Variants in GBE1 observed in about 807,000 individuals in gnomAD.
GBE1 encodes the protein 1,4-alpha-glucan branching enzyme 1.
GBE1 carries 70 observed loss-of-function variants against 88.8 expected under a neutral mutation model. The ratio of observed to expected loss-of-function variants is 0.79; its 90% CI spans 0.65 to 0.96. The LOEUF is 0.96. GBE1 is among the 40% of genes least tolerant of loss of function. GBE1 has a pLI of 0.00. For missense variants in GBE1, 872 were observed against 871.0 expected, an observed-to-expected ratio of 1.00 and a Z score of -0.01; for synonymous variants, 284 against 300.1, an observed-to-expected ratio of 0.95 and a Z score of 0.56.
Position 81,695,290 on chromosome 3 carries a change from T to C in GBE1, c.313+10154A>G, listed in dbSNP as rs188091372. ...AGGAATGAATAAACAAAATGTGGAC[T>C]ACCTATACAGTGTAATTTTATTTGG... On this transcript the variant is annotated intron_variant, in intron 2 of 15. Transcript: ENST00000429644. Among the ~76,000 whole-genome samples, 223 of 152,366 alleles carry C rather than the reference T, an allele frequency of 1.5e-3. 3 individuals are homozygous for C. The highest frequency in any genetic ancestry group is 0.014 in the Admixed American group (222 of 15,312).
rs1392927494 is a variant in GBE1, at chr3:81,750,548, T to TAA, written c.143+10826_143+10827insTT. Among the ~76,000 whole-genome samples the TAA allele has an allele frequency of 9.5e-5, 8 of 84,306 alleles. 1 individual carries two copies. The highest frequency in any genetic ancestry group is 2.0e-5 in the Non-Finnish European group (1 of 49,006). 55.3% of individuals were successfully genotyped at this position (84,306 alleles called of 152,430 possible). A position where few individuals can be genotyped will look rare whatever the true frequency, so the allele number is the denominator to read the frequency against. On this transcript the variant is annotated intron_variant, in intron 1 of 15. Transcript: ENST00000429644. ...TCATATATATATATACGTATATATA[T>TAA]ATGTATATATATATGTATATATATA...
intron 1 of GBE1, among the ~76,000 whole-genome samples, chr3:81,748,118 C>G (rs577885408): frequency 6.6e-6 from 1 of 150,882 alleles, no homozygotes; most frequent in Non-Finnish European, 1.5e-5. Context: ...AGACTCATCT[C>G]AAAAAACAAA....
At chr3:81,557,122 C>T (rs1024474097) in intron 12 of GBE1, among the ~76,000 whole-genome samples, 2 of 151,984 alleles carry the variant, frequency 1.3e-5, no homozygotes, top group African/African-American at 4.8e-5. Flanking sequence ...GCAAAGCAGC[C>T]AGGATCAGAA....
intron 1 of GBE1, among the ~76,000 whole-genome samples, chr3:81,726,540 T>C (rs1706114593): frequency 6.6e-6 from 1 of 152,020 alleles, no homozygotes; most frequent in Admixed American, 6.6e-5. Context: ...TATTGTACTT[T>C]ATTTGGTAGT....
Position 81,578,051 on chromosome 3 carries a change from C to T in GBE1, c.1492G>A (p.Glu498Lys), listed in dbSNP as rs201758548. Reference protein sequence around the residue: ...KSLAFWLMDAEMYTNMSVLTP... With the variant: ...KSLAFWLMDAKMYTNMSVLTP... ...AGGACACTCATGTTTGTATACATTT[C>T]GGCATCCATCAACCAAAATGCCAGC... Residue 498 changes from glutamate to lysine, a missense_variant, in exon 12 of 16, where the codon GAA (glutamate) becomes AAA (lysine). By Grantham distance (56) the Glu-to-Lys change is moderately conservative (BLOSUM62 1). Coordinates refer to ENST00000429644, the MANE Select transcript of GBE1 (RefSeq NM_000158.4). The T allele has an allele frequency of 9.4e-4, 1,516 of 1,607,986 alleles. No homozygotes were observed. The highest frequency in any genetic ancestry group is 1.1e-3 in the Non-Finnish European group (1,319 of 1,177,112).
intron 7 of GBE1, among the ~76,000 whole-genome samples, chr3:81,629,135 G>C (rs1704468298): frequency 7.0e-6 from 1 of 142,620 alleles, no homozygotes; most frequent in Non-Finnish European, 1.5e-5. Flanking sequence ...CCACTAACGT[G>C]TCATCTAGCA....
At position 81,561,253 on chromosome 3, in the gene GBE1, T is replaced by C. The variant is rs1021002505; in HGVS notation, c.1618+16672A>G. Among the ~76,000 whole-genome samples the C allele has an allele frequency of 3.9e-5, 6 of 152,054 alleles. No individual in the cohort carries two copies. The East Asian group carries it at 1.2e-3, about 29-fold the overall frequency. ...TGAGTTGTGAAATATAATGCAGAAG[T>C]TGATTCAAACTTGTACAGTCAAAGA... On this transcript the variant is annotated intron_variant, in intron 12 of 15. Coordinates refer to ENST00000429644, the MANE Select transcript of GBE1 (RefSeq NM_000158.4).
chr3:81,608,113 C>T (rs1417161026), intron 7 of GBE1, among the ~76,000 whole-genome samples: 1 of 152,182 alleles, frequency 6.6e-6, no homozygotes, highest in East Asian at 1.9e-4. Flanking sequence ...AACTGATGTT[C>T]TCTTTGTCAG....
chr3:81,642,083 A>C (rs1704690065), intron 7 of GBE1, among the ~76,000 whole-genome samples: 1 of 151,744 alleles, frequency 6.6e-6, no homozygotes, highest in Admixed American at 6.6e-5. Context: ...TTGTCTTTTT[A>C]ATTTTTGCCA....
In GBE1 at chr3:81,530,271, T is replaced by A. The variant is rs531098503; in HGVS notation, c.1934+4924A>T. 3.2e-4 allele frequency among the ~76,000 whole-genome samples: 43 copies of A among 133,382 alleles called. 1 individual carries two copies. The South Asian group carries it at 0.01, about 31-fold the overall frequency. The allele number at this position is 133,382 out of a possible 152,430, so 87.5% of individuals were successfully genotyped here. A position where few individuals can be genotyped will look rare whatever the true frequency, so the allele number is the denominator to read the frequency against. ...GAGCTTCCTCAAAATTGCTATTTCA[T>A]TTTTTTTTTTTTCTGTCAGAAAGGT... On this transcript the variant is annotated intron_variant, in intron 14 of 15. Coordinates refer to ENST00000429644, the MANE Select transcript of GBE1 (RefSeq NM_000158.4).
At chr3:81,532,294 C>T (rs575312014) in intron 14 of GBE1, among the ~76,000 whole-genome samples, 1 of 152,012 alleles carries the variant, frequency 6.6e-6, no homozygotes, top group South Asian at 2.1e-4. Flanking sequence ...TTCTATTCAA[C>T]CATCTTGCAC....
At chr3:81,664,774 T>C (rs1705087848) in intron 3 of GBE1, among the ~76,000 whole-genome samples, 1 of 152,216 alleles carries the variant, frequency 6.6e-6, no homozygotes, top group South Asian at 2.1e-4. Flanking sequence ...TATTTCATTA[T>C]TATTATCACT....
chr3:81,705,400 T>C, intron 2 of GBE1, 44 bp downstream of exon 2: 1 of 1,317,722 alleles, frequency 7.6e-7, no homozygotes, highest in Admixed American at 2.9e-5. Context: ...TATTAAATAG[T>C]TAATAAGATA....
chr3:81,747,606 A>G (rs866325259), intron 1 of GBE1, among the ~76,000 whole-genome samples: 26 of 152,334 alleles, frequency 1.7e-4, no homozygotes, highest in Middle Eastern at 6.8e-3. Flanking sequence ...ACTTGCACGT[A>G]TACGCCCAGA....
chr3:81,499,506 C>A (rs1702558216), intron 14 of GBE1, among the ~76,000 whole-genome samples: 1 of 152,116 alleles, frequency 6.6e-6, no homozygotes, highest in African/African-American at 2.4e-5. Flanking sequence ...TTCAAGCAAC[C>A]CATTCCACTT....
chr3:81,591,246 T>C lies in GBE1; in HGVS notation c.1109-82A>G, dbSNP rs1394038936. On this transcript the variant is annotated intron_variant, in intron 8 of 15. Coordinates refer to ENST00000429644, the MANE Select transcript of GBE1 (RefSeq NM_000158.4). ...GCACAAATACATTCACCAATTAGTT[T>C]GTTTATATGAATTTTGTTATTGTAG... 8.2e-6 allele frequency: 9 copies of C among 1,097,796 alleles called. No homozygotes were observed. In the East Asian group the frequency reaches 1.4e-4, roughly 17 times the overall value. The allele number at this position is 1,097,796 out of a possible 1,614,324, so 68.0% of individuals were successfully genotyped here.
At chr3:81,654,110 C>A (rs191544559) in intron 3 of GBE1, among the ~76,000 whole-genome samples, 6 of 152,078 alleles carry the variant, frequency 3.9e-5, no homozygotes, top group Admixed American at 2.6e-4. Flanking sequence ...CCATAATAAT[C>A]CTTTTTAATG....
At chr3:81,633,622 T>C (rs1704548901) in intron 7 of GBE1, among the ~76,000 whole-genome samples, 1 of 152,216 alleles carries the variant, frequency 6.6e-6, no homozygotes, top group Non-Finnish European at 1.5e-5. Context: ...TGTTTATTCC[T>C]CTACTACTTA....
intron 14 of GBE1, among the ~76,000 whole-genome samples, chr3:81,509,294 CTTTTT>C (rs34753672): frequency 8.1e-6 from 1 of 123,790 alleles, no homozygotes; most frequent in East Asian, 2.2e-4. Flanking sequence ...TAGGGTTTGT[CTTTTT>C]TTTTTTTTTT....
Sources: gnomAD v4.1 joint callset for allele counts (sites outside exome capture counted in the v4.1 genomes callset) on GRCh38, gnomAD v4.1.1 for gene constraint, MANE v1.5 for transcripts, NCBI Gene and HGNC (gene_info 2026-07-23, HGNC 2026-07-21) for gene names.